BANK1: variants seen among roughly 807,000 people sequenced by gnomAD.
The protein encoded by BANK1 is B cell scaffold protein with ankyrin repeats 1.
In BANK1, 95 loss-of-function variants were observed where a neutral mutation model predicts 94.5. That is an observed-to-expected ratio of 1.00 (90% CI 0.85 to 1.19). BANK1 has a LOEUF of 1.19. Ranked by LOEUF, BANK1 falls within the 50% of genes most tolerant of loss-of-function variation. The pLI, the probability that BANK1 is intolerant of heterozygous loss-of-function variation, is 0.00. For synonymous variants in BANK1, 334 were observed against 308.4 expected (o/e 1.08, Z -0.87); for missense variants, 987 against 932.2 (o/e 1.06, Z -0.77).
chr4:101,865,386 A>G (rs1337168098), intron 4 of BANK1, among the ~76,000 whole-genome samples: 1 of 152,072 alleles, frequency 6.6e-6, no homozygotes, highest in Non-Finnish European at 1.5e-5. Context: ...ATGTCCCCAC[A>G]CTTTTGTAGG....
chr4:101,953,764 T>A (rs1184630115), intron 7 of BANK1, among the ~76,000 whole-genome samples: 2 of 152,070 alleles, frequency 1.3e-5, no homozygotes, highest in Non-Finnish European at 2.9e-5. Context: ...CCCCACTGAG[T>A]CATGAGCCTA....
At chr4:101,944,560 T>C (rs1034612851) in intron 7 of BANK1, among the ~76,000 whole-genome samples, 1 of 151,914 alleles carries the variant, frequency 6.6e-6, no homozygotes, top group African/African-American at 2.4e-5. Context: ...GCACTTTTGT[T>C]TTCATAGTTA....
intron 5 of BANK1, among the ~76,000 whole-genome samples, chr4:101,890,122 G>T (rs762066121): frequency 4.6e-5 from 7 of 152,164 alleles, no homozygotes; most frequent in Non-Finnish European, 8.8e-5. Context: ...CCCTTGGAAA[G>T]AATGTATTCT....
chr4:101,919,670 G>A (rs964217033), intron 7 of BANK1, among the ~76,000 whole-genome samples: 3 of 151,934 alleles, frequency 2.0e-5, no homozygotes, highest in African/African-American at 7.2e-5. Context: ...TGTGAAATAT[G>A]TTACATAATT....
chr4:101,850,458 T>G (rs1477166148), intron 2 of BANK1, among the ~76,000 whole-genome samples: 1 of 151,860 alleles, frequency 6.6e-6, no homozygotes, highest in East Asian at 1.9e-4. Flanking sequence ...TTTTTTGTAT[T>G]TTTTGGTAGG....
At chr4:102,009,486 C>A (rs1031932527) in intron 7 of BANK1, among the ~76,000 whole-genome samples, 1 of 152,198 alleles carries the variant, frequency 6.6e-6, no homozygotes, top group Non-Finnish European at 1.5e-5. Flanking sequence ...CTGAGGCTTG[C>A]ACATTCTTGC....
Position 101,898,945 on chromosome 4 carries a change from A to C in BANK1, c.1009+3535A>C, listed in dbSNP as rs1166482202. Among the ~76,000 whole-genome samples the C allele has an allele frequency of 3.9e-5, 6 of 152,254 alleles. No homozygotes were observed. In the East Asian group the frequency reaches 1.2e-3, roughly 29 times the overall value. On this transcript the variant is annotated intron_variant, in intron 6 of 16. Transcript: ENST00000322953. Reference sequence around the variant, plus strand: ...TAATGTATCATGGCTCTACAGAGAAAGAAGACTTTTAGCAAGTGAGGAATT... The same window carrying C: ...TAATGTATCATGGCTCTACAGAGAACGAAGACTTTTAGCAAGTGAGGAATT...
At chr4:101,857,234 C>A (rs946287092) in intron 3 of BANK1, among the ~76,000 whole-genome samples, 1 of 152,202 alleles carries the variant, frequency 6.6e-6, no homozygotes, top group Non-Finnish European at 1.5e-5. Context: ...TTTTACCATA[C>A]TACCTCAGTC....
At chr4:102,023,383 G>A (rs965142812) in intron 8 of BANK1, among the ~76,000 whole-genome samples, 1 of 152,030 alleles carries the variant, frequency 6.6e-6, no homozygotes, top group African/African-American at 2.4e-5. Flanking sequence ...TGATTATAAA[G>A]GCCATGATTG....
At chr4:102,045,171 C>T (rs1270514192) in intron 11 of BANK1, among the ~76,000 whole-genome samples, 2 of 151,956 alleles carry the variant, frequency 1.3e-5, no homozygotes, top group African/African-American at 2.4e-5. Flanking sequence ...TTAGGTCTAA[C>T]GTTTAAGCCT....
At chr4:101,859,885 A>T (rs992539840) in intron 3 of BANK1, among the ~76,000 whole-genome samples, 1 of 152,242 alleles carries the variant, frequency 6.6e-6, no homozygotes, top group Admixed American at 6.5e-5. Context: ...AGACACAGAC[A>T]TGAAAAACTA....
chr4:101,817,104 C>T (rs975891750), intron 1 of BANK1, among the ~76,000 whole-genome samples: 1 of 151,962 alleles, frequency 6.6e-6, no homozygotes, highest in Non-Finnish European at 1.5e-5. Context: ...ACTGGCTACC[C>T]GGTAAATGGG....
intron 3 of BANK1, among the ~76,000 whole-genome samples, chr4:101,862,052 A>AT (rs1289043751): frequency 6.6e-6 from 1 of 152,142 alleles, no homozygotes; most frequent in Non-Finnish European, 1.5e-5. Flanking sequence ...CTTAAAAGTC[A>AT]TTATATTTAA....
At chr4:101,940,936 G>C (rs1342608678) in intron 7 of BANK1, among the ~76,000 whole-genome samples, 1 of 151,692 alleles carries the variant, frequency 6.6e-6, no homozygotes, top group African/African-American at 2.4e-5. Flanking sequence ...TCCACACTTA[G>C]GGAGTGGGGG....
At chr4:101,964,278 G>A (rs936113624) in intron 7 of BANK1, among the ~76,000 whole-genome samples, 6 of 151,992 alleles carry the variant, frequency 3.9e-5, no homozygotes, top group African/African-American at 1.5e-4. Flanking sequence ...ACAGAACATG[G>A]GGGAATTGGC....
At position 102,000,404 on chromosome 4, in the gene BANK1, C is replaced by G. The variant is rs531753568; in HGVS notation, c.1207-21110C>G. Reference sequence around the variant, plus strand: ...TAAGGAAGCAAATTGGGAATTGCAACAAATTGGGACTGTCCTAGGCAAGCC... The same window carrying G: ...TAAGGAAGCAAATTGGGAATTGCAAGAAATTGGGACTGTCCTAGGCAAGCC... On this transcript the variant is annotated intron_variant, in intron 7 of 16. Coordinates refer to ENST00000322953, the MANE Select transcript of BANK1 (RefSeq NM_017935.5). 1.2e-3 allele frequency among the ~76,000 whole-genome samples: 168 copies of G among 142,268 alleles called. 1 individual carries two copies. Among genetic ancestry groups the G allele is most frequent in the African/African-American group, 4.3e-3 (166 of 38,346 alleles). The allele number at this position is 142,268 out of a possible 152,430, so 93.3% of individuals were successfully genotyped here.
chr4:101,882,237 A>C (rs1047436546), intron 5 of BANK1, among the ~76,000 whole-genome samples: 5 of 152,180 alleles, frequency 3.3e-5, no homozygotes, highest in African/African-American at 9.7e-5. Context: ...TTAAAATTTA[A>C]AAAACAAAAC....
At chr4:102,022,521 G>A (rs559473920) in intron 8 of BANK1, among the ~76,000 whole-genome samples, 1 of 152,194 alleles carries the variant, frequency 6.6e-6, no homozygotes, top group East Asian at 1.9e-4. Context: ...GAACTGGAGG[G>A]TCATTGTCAC....
intron 6 of BANK1, among the ~76,000 whole-genome samples, chr4:101,911,542 CT>C (rs774894086): frequency 1.1e-4 from 16 of 150,606 alleles, no homozygotes; most frequent in Non-Finnish European, 2.2e-4. Context: ...TTCCCAGTCC[CT>C]AGAAGAATAT....
Sources: gnomAD v4.1 joint callset for allele counts (sites outside exome capture counted in the v4.1 genomes callset) on GRCh38, gnomAD v4.1.1 for gene constraint, MANE v1.5 for transcripts, NCBI Gene and HGNC (gene_info 2026-07-23, HGNC 2026-07-21) for gene names.